The following FSCN2 variants were observed in gnomAD, a reference collection of about 807,000 sequenced individuals.
FSCN2 encodes fascin actin-bundling protein 2, retinal, also known as fascin-2.
In FSCN2, 46 loss-of-function variants were observed where a neutral mutation model predicts 37.8. That is an observed-to-expected ratio of 1.22 (90% CI 0.96 to 1.56). The LOEUF (loss-of-function observed/expected upper bound fraction) is 1.56, where lower values mean the gene tolerates loss of function less well. Ranked by LOEUF, FSCN2 falls within the 40% of genes most tolerant of loss-of-function variation. The pLI is 0.00. For synonymous variants in FSCN2, 351 were observed against 309.4 expected (o/e 1.13, Z -1.41); for missense variants, 844 against 730.4 (o/e 1.16, Z -1.79).
chr17:81,536,761 C>G lies in FSCN2; in HGVS notation c.1245C>G (p.Ser415Arg). Residue 415 changes from serine to arginine, a missense_variant, in exon 4 of 5, where the codon AGC becomes AGG. Ser to Arg is a moderately radical substitution (Grantham distance 110). Transcript: ENST00000417245. ...NRSVYDVFHL[S>R]FSDGAYRIRG... ...CCGTCTACGACGTCTTCCACCTGAG[C>G]TTCAGCGACGGCGCCTACCGGATCC... 1 of 1,607,384 alleles carries G rather than the reference C, an allele frequency of 6.2e-7. No individual in the cohort carries two copies. Among genetic ancestry groups the G allele is most frequent in the Non-Finnish European group, 8.5e-7 (1 of 1,177,116 alleles).
chr17:81,536,510 G>A lies in FSCN2; in HGVS notation c.1106-112G>A, dbSNP rs542496940. 5 of 1,545,308 alleles carry A rather than the reference G, an allele frequency of 3.2e-6. No individual in the cohort carries two copies. The African/African-American group carries it at 6.8e-5, about 21-fold the overall frequency. On this transcript the variant is annotated intron_variant, in intron 3 of 4. Transcript: ENST00000417245. The stretch of plus-strand genomic sequence containing the variant: ...TGCCAAGGCCGCACATGAGGCAATG[G>A]CAGGCCTGGGTCCCTAAGTCCAGGT...
At chr17:81,527,502 T>C (rs1441973615), upstream of FSCN2, 3 of 152,188 alleles carry the variant, frequency 2.0e-5, no homozygotes, top group Non-Finnish European at 2.9e-5. Context: ...AGCAAGGAGG[T>C]GCTGTAGACA....
chr17:81,529,124 G>A lies in FSCN2; in HGVS notation c.593G>A (p.Gly198Asp). The A allele has an allele frequency of 1.9e-6, 3 of 1,582,606 alleles. No homozygotes were observed. Among genetic ancestry groups the A allele is most frequent in the Non-Finnish European group, 2.6e-6 (3 of 1,166,104 alleles). The change falls in exon 1 of 5, where the codon GGC becomes GAC. Residue 198 changes from glycine (G) to aspartate (D), a missense_variant. Coordinates refer to ENST00000417245, the MANE Select transcript of FSCN2 (RefSeq NM_012418.4). ...GACAGCCGCTACCTGCGCAGCGACG[G>A]CCGTCTGGTCTGGGAGCCTGAGCCC... ...SCDSRYLRSD[G>D]RLVWEPEPRA...
intron 1 of FSCN2, among the ~76,000 whole-genome samples, chr17:81,532,301 G>A (rs2032693714): frequency 2.1e-5 from 3 of 141,758 alleles, no homozygotes; most frequent in Non-Finnish European, 3.1e-5. Flanking sequence ...TGATGATGAT[G>A]ATAGTGATGG....
At chr17:81,524,974 A>AT, upstream of FSCN2, among the ~76,000 whole-genome samples, 1 of 152,112 alleles carries the variant, frequency 6.6e-6, no homozygotes, top group East Asian at 1.9e-4. Context: ...TCAGCCCATC[A>AT]TACAAGAACC....
In FSCN2 at chr17:81,528,508, TC is replaced by T; in HGVS notation, c.-22del. ...ACTCAGAGGGCGCATCCCAGGCCCC[TC>T]CGGGGACCCGGCCAGCCTGAAGATG... On this transcript the variant is annotated 5_prime_UTR_variant, in exon 1 of 5. Transcript: ENST00000417245. 6.4e-7 allele frequency: 1 copy of T among 1,552,704 alleles called. No homozygotes were observed.
In FSCN2 at chr17:81,536,801, G is replaced by T. The variant is rs766090968; in HGVS notation, c.1273+12G>T. 4.4e-6 allele frequency: 7 copies of T among 1,574,736 alleles called. No homozygotes were observed. Among genetic ancestry groups the T allele is most frequent in the Non-Finnish European group, 6.0e-6 (7 of 1,157,878 alleles). On this transcript the variant is annotated intron_variant, in intron 4 of 4. Transcript: ENST00000417245. Reference sequence around the variant, plus strand: ...CTACCGGATCCGAGGTGCGTGGCGGGGCGGGTGGGCACGCGGGAGCGGGGG... The same window carrying T: ...CTACCGGATCCGAGGTGCGTGGCGGTGCGGGTGGGCACGCGGGAGCGGGGG...
rs564977457 is a variant in FSCN2, at chr17:81,532,272, G to A, written c.827-2780G>A. Among the ~76,000 whole-genome samples, 715 of 133,444 alleles carry A rather than the reference G, an allele frequency of 5.4e-3. 12 individuals carry two copies. The highest frequency in any genetic ancestry group is 0.02 in the African/African-American group (691 of 34,148). The allele number at this position is 133,444 out of a possible 152,430, so 87.5% of individuals were successfully genotyped here. A position where few individuals can be genotyped will look rare whatever the true frequency, so the allele number is the denominator to read the frequency against. On this transcript the variant is annotated intron_variant, in intron 1 of 4. Transcript: ENST00000417245. ...GGTGATGATGATGATGATAGTGATG[G>A]TGGTGATGGTGATGGTGGTGATGAT...
chr17:81,522,929 G>A, the FSCN2 span, among the ~76,000 whole-genome samples: 2 of 152,174 alleles, frequency 1.3e-5, no homozygotes, highest in Non-Finnish European at 2.9e-5. Flanking sequence ...AGGCTCCATC[G>A]CCCCAGTGGT....
upstream of FSCN2, among the ~76,000 whole-genome samples, chr17:81,525,939 C>T (rs2143835384): frequency 6.6e-6 from 1 of 152,256 alleles, no homozygotes; most frequent in South Asian, 2.1e-4. Context: ...GCCCAGGCGC[C>T]CACCCTTCAG....
At chr17:81,517,678 T>C in the FSCN2 span, among the ~76,000 whole-genome samples, 1 of 152,056 alleles carries the variant, frequency 6.6e-6, no homozygotes, top group Non-Finnish European at 1.5e-5. Context: ...CTCATTCCCC[T>C]GTGGCCTCCC....
In FSCN2 at chr17:81,529,040, G is replaced by A; in HGVS notation, c.509G>A (p.Gly170Asp). 3 of 1,589,786 alleles carry A rather than the reference G, an allele frequency of 1.9e-6. No homozygotes were observed. Among genetic ancestry groups the A allele is most frequent in the Non-Finnish European group, 2.6e-6 (3 of 1,171,658 alleles). ...EMAADGDKPW[G>D]VDALLTLIFR... is the part of the protein sequence containing the mutation. ...GCCGCAGACGGAGACAAGCCCTGGG[G>A]CGTGGACGCCCTCCTCACCCTCATC... The change falls in exon 1 of 5, where the codon GGC (glycine) becomes GAC (aspartate). Residue 170 changes from glycine to aspartate, a missense_variant. Physicochemically the swap from Gly to Asp is moderately conservative, Grantham distance 94. Coordinates refer to ENST00000417245, the MANE Select transcript of FSCN2 (RefSeq NM_012418.4).
intron 2 of FSCN2, 37 bp from the exon 3 acceptor site, chr17:81,536,109 C>T (rs1279990090): frequency 6.3e-7 from 1 of 1,597,632 alleles, no homozygotes; most frequent in Admixed American, 1.7e-5. Flanking sequence ...CCCCCATCTC[C>T]TGCTGTCCTG....
At chr17:81,526,780 C>T (rs1463480499), upstream of FSCN2, among the ~76,000 whole-genome samples, 1 of 152,346 alleles carries the variant, frequency 6.6e-6, no homozygotes, top group South Asian at 2.1e-4. Context: ...TGGGCATCGT[C>T]TCTGGGAAGG....
chr17:81,529,195 A>G lies in FSCN2; in HGVS notation c.664A>G (p.Lys222Glu). The stretch of plus-strand genomic sequence containing the variant: ...GTTCAAGGCGGGCAAGCTGGCCTTC[A>G]AGGACTGCGACGGCCACTACCTGGC... ...LEFKAGKLAFKDCDGHYLAPV... is the reference protein window; with the variant it reads ...LEFKAGKLAFEDCDGHYLAPV... Residue 222 changes from lysine to glutamate, a missense_variant, in exon 1 of 5, where the codon AAG (lysine) becomes GAG (glutamate). Transcript: ENST00000417245. 6.3e-7 allele frequency: 1 copy of G among 1,596,420 alleles called. No individual in the cohort carries two copies. The highest frequency in any genetic ancestry group is 8.5e-7 in the Non-Finnish European group (1 of 1,172,616).
At chr17:81,532,824 C>G (rs1465314453) in intron 1 of FSCN2, among the ~76,000 whole-genome samples, 1 of 151,650 alleles carries the variant, frequency 6.6e-6, no homozygotes, top group African/African-American at 2.4e-5. Context: ...GACCATTTTT[C>G]AGTCTCTTGA....
chr17:81,533,430 C>A (rs939705827), intron 1 of FSCN2, among the ~76,000 whole-genome samples: 1 of 152,168 alleles, frequency 6.6e-6, no homozygotes, highest in African/African-American at 2.4e-5. Flanking sequence ...GCAGCTTCCC[C>A]GGAGTCCTCC....
the FSCN2 span, among the ~76,000 whole-genome samples, chr17:81,517,853 C>T: frequency 6.6e-6 from 1 of 150,852 alleles, no homozygotes; most frequent in Non-Finnish European, 1.5e-5. Flanking sequence ...GCTGCGGTCA[C>T]AGATTGCAGG....
At chr17:81,536,487 C>T (rs2032881236) in intron 3 of FSCN2, 135 bp from the exon 4 acceptor site, 4 of 1,530,016 alleles carry the variant, frequency 2.6e-6, no homozygotes, top group Admixed American at 2.0e-5. Context: ...AGGCGCCTTG[C>T]CAAGGCCGCA....
Sources: gnomAD v4.1 joint callset for allele counts (sites outside exome capture counted in the v4.1 genomes callset) on GRCh38, gnomAD v4.1.1 for gene constraint, MANE v1.5 for transcripts, NCBI Gene and HGNC (gene_info 2026-07-23, HGNC 2026-07-21) for gene names.